The following CSMD3 variants were observed in gnomAD, a reference collection of about 807,000 sequenced individuals.
The protein encoded by CSMD3 is CUB and Sushi multiple domains 3.
Under a neutral mutation model 435.2 loss-of-function variants are expected in CSMD3, and 177 were observed. The observed-to-expected ratio is 0.41, with a 90% CI of 0.36 to 0.46. CSMD3 has a LOEUF of 0.46. Ranked by LOEUF, CSMD3 falls within the 20% of genes least tolerant of loss-of-function variation. CSMD3 has a pLI of 0.34. For synonymous variants in CSMD3, 1,656 were observed against 1,520.5 expected (o/e 1.09, Z -2.07); for missense variants, 4,265 against 4,504.6 (o/e 0.95, Z 1.52).
chr8:112,502,677 T>TC (rs1822096481), intron 30 of CSMD3, among the ~76,000 whole-genome samples: 1 of 152,000 alleles, frequency 6.6e-6, no homozygotes, highest in Non-Finnish European at 1.5e-5. Flanking sequence ...ATTTGATTTT[T>TC]TAAAGTAAGA....
chr8:113,325,006 T>C (rs956446397), intron 1 of CSMD3, among the ~76,000 whole-genome samples: 1 of 152,172 alleles, frequency 6.6e-6, no homozygotes, highest in East Asian at 1.9e-4. Context: ...TTCTGCCAAT[T>C]CCTCCCATTT....
intron 32 of CSMD3, among the ~76,000 whole-genome samples, chr8:112,433,669 A>AAG (rs1554677509): frequency 6.9e-6 from 1 of 144,872 alleles, no homozygotes; most frequent in Non-Finnish European, 1.5e-5. Context: ...AAAAAAAAAA[A>AAG]AAAGAAAGAA....
At chr8:112,259,547 AACTGC>A (rs1816183235) in intron 61 of CSMD3, among the ~76,000 whole-genome samples, 1 of 152,116 alleles carries the variant, frequency 6.6e-6, no homozygotes, top group African/African-American at 2.4e-5. Flanking sequence ...TATGTAACAA[AACTGC>A]ACGTTCTTCA....
chr8:113,050,204 C>T (rs2131323243), intron 5 of CSMD3, among the ~76,000 whole-genome samples: 1 of 151,732 alleles, frequency 6.6e-6, no homozygotes, highest in Middle Eastern at 3.4e-3. Flanking sequence ...GTTTCCATGA[C>T]TGCATATATT....
At chr8:112,453,168 C>T (rs2130615309) in intron 32 of CSMD3, among the ~76,000 whole-genome samples, 1 of 152,136 alleles carries the variant, frequency 6.6e-6, no homozygotes, top group Non-Finnish European at 1.5e-5. Flanking sequence ...CTCTACTAAC[C>T]TCCAGATTAG....
At chr8:112,453,034 G>C (rs1370285377) in intron 32 of CSMD3, among the ~76,000 whole-genome samples, 1 of 152,130 alleles carries the variant, frequency 6.6e-6, no homozygotes, top group Non-Finnish European at 1.5e-5. Context: ...TATCTCATCA[G>C]ATTCCTGACT....
chr8:112,747,776 C>G (rs1206532604), intron 13 of CSMD3, among the ~76,000 whole-genome samples: 1 of 151,684 alleles, frequency 6.6e-6, no homozygotes, highest in Admixed American at 6.6e-5. Context: ...GAGATCGAGA[C>G]CACGGTGAAA....
At chr8:112,905,362 T>C (rs2082231854) in intron 10 of CSMD3, among the ~76,000 whole-genome samples, 2 of 150,520 alleles carry the variant, frequency 1.3e-5, no homozygotes, top group South Asian at 4.2e-4. Context: ...AGTCAATATG[T>C]TATGGATGTT....
chr8:112,937,530 T>C (rs2083320481), intron 9 of CSMD3, among the ~76,000 whole-genome samples: 1 of 151,952 alleles, frequency 6.6e-6, no homozygotes, highest in Non-Finnish European at 1.5e-5. Flanking sequence ...TTTGTATTTT[T>C]AGTAGAGACA....
chr8:112,867,122 C>T (rs1367040737), intron 10 of CSMD3, among the ~76,000 whole-genome samples: 2 of 152,064 alleles, frequency 1.3e-5, no homozygotes, highest in African/African-American at 2.4e-5. Flanking sequence ...CAATGAGATT[C>T]GGATGTTGAG....
rs562198712 is a variant in CSMD3 at position 113,276,713 on chromosome 8, A to T, written c.514+1879T>A. ...TATAAAACTGAGATAGTTTTTTAAG[A>T]TTATTTTAAGATGTTAAATTGAAAA... On this transcript the variant is annotated intron_variant, in intron 3 of 70. Transcript: ENST00000297405. Among the ~76,000 whole-genome samples the T allele has an allele frequency of 2.0e-5, 3 of 152,186 alleles. No homozygotes were observed. In the East Asian group the frequency reaches 5.8e-4, roughly 29 times the overall value.
chr8:112,280,150 G>A (rs1264035397), intron 59 of CSMD3, among the ~76,000 whole-genome samples: 2 of 152,164 alleles, frequency 1.3e-5, no homozygotes, highest in African/African-American at 2.4e-5. Flanking sequence ...GTCAGCAAAA[G>A]TATATATACT....
At chr8:113,203,836 G>T (rs1226333104) in intron 3 of CSMD3, among the ~76,000 whole-genome samples, 5 of 152,046 alleles carry the variant, frequency 3.3e-5, no homozygotes, top group African/African-American at 1.2e-4. Flanking sequence ...TTATATAGGT[G>T]AGAGTTTCAC....
chr8:112,907,426 T>C (rs769081325), intron 10 of CSMD3, among the ~76,000 whole-genome samples: 3 of 151,502 alleles, frequency 2.0e-5, no homozygotes, highest in Non-Finnish European at 4.4e-5. Context: ...TTGGGTTGAA[T>C]CCCAGTTCCA....
chr8:112,937,454 G>A (rs753693248), intron 9 of CSMD3, among the ~76,000 whole-genome samples: 3 of 150,928 alleles, frequency 2.0e-5, no homozygotes, highest in South Asian at 2.1e-4. Context: ...GGGCTCAAGC[G>A]ATTATCCTGC....
intron 38 of CSMD3, among the ~76,000 whole-genome samples, chr8:112,354,756 T>TCCC (rs1826435297): frequency 1.3e-5 from 2 of 152,190 alleles, no homozygotes; most frequent in Non-Finnish European, 2.9e-5. Flanking sequence ...TCAATATTGT[T>TCCC]AAAATGACCA....
intron 47 of CSMD3, among the ~76,000 whole-genome samples, chr8:112,315,622 A>G (rs544059069): frequency 6.6e-6 from 1 of 151,974 alleles, no homozygotes; most frequent in African/African-American, 2.4e-5. Context: ...GAATAGTATA[A>G]TGGCCATAGT....
At chr8:112,863,718 A>T (rs760467972) in intron 10 of CSMD3, among the ~76,000 whole-genome samples, 5 of 152,128 alleles carry the variant, frequency 3.3e-5, no homozygotes, top group Non-Finnish European at 7.4e-5. Flanking sequence ...TTTGATACAA[A>T]TTTGCCTCTT....
At chr8:113,032,647 G>T (rs545363551) in intron 5 of CSMD3, among the ~76,000 whole-genome samples, 2 of 151,812 alleles carry the variant, frequency 1.3e-5, no homozygotes, top group Middle Eastern at 3.4e-3. Flanking sequence ...TGAAAAATTT[G>T]CAGCCTGACC....
Sources: gnomAD v4.1 joint callset for allele counts (sites outside exome capture counted in the v4.1 genomes callset) on GRCh38, gnomAD v4.1.1 for gene constraint, MANE v1.5 for transcripts, NCBI Gene and HGNC (gene_info 2026-07-23, HGNC 2026-07-21) for gene names.